Variants in NEBL observed in about 807,000 individuals in gnomAD.
The protein encoded by NEBL is nebulette.
Under a neutral mutation model 140.2 loss-of-function variants are expected in NEBL, and 122 were observed. The observed-to-expected ratio is 0.87, with a 90% confidence interval of 0.75 to 1.01. NEBL has a LOEUF of 1.01. Among genes scored for constraint, NEBL ranks in the 50% least tolerant of loss-of-function variants. The pLI, the probability that NEBL is intolerant of heterozygous loss-of-function variation, is 0.00. For synonymous variants in NEBL, 436 were observed against 398.9 expected, an observed-to-expected ratio of 1.09 and a Z score of -1.11; for missense variants, 1,365 against 1,231.3, an observed-to-expected ratio of 1.11 and a Z score of -1.62.
intron 4 of NEBL, among the ~76,000 whole-genome samples, chr10:20,918,365 A>G (rs1489425100): frequency 6.6e-6 from 1 of 151,176 alleles, no homozygotes; most frequent in African/African-American, 2.4e-5. Context: ...CTCAAAAAAA[A>G]GAATCCAAGC....
In NEBL at chr10:21,273,145, G is replaced by A. The variant is rs549020596; in HGVS notation, n.182+19685C>T. On this transcript the variant is annotated intron_variant and non_coding_transcript_variant, in intron 1 of 8. Transcript: ENST00000675702. ...CAGGGTTGGGAGCTTGTGGGCCCTCGGAGGAGGTTAATAGAAGGGCAGTTT... is the reference window on the plus strand; with the variant it reads ...CAGGGTTGGGAGCTTGTGGGCCCTCAGAGGAGGTTAATAGAAGGGCAGTTT... 4.6e-5 allele frequency among the ~76,000 whole-genome samples: 7 copies of A among 152,200 alleles called. No homozygotes were observed. The South Asian group carries it at 6.2e-4, about 14-fold the overall frequency.
chr10:21,186,325 C>T (rs560660007), intron 3 of NEBL, among the ~76,000 whole-genome samples: 77 of 148,894 alleles, frequency 5.2e-4, no homozygotes, highest in Non-Finnish European at 9.2e-4. Flanking sequence ...TAAATATATG[C>T]GTTGAAGTCC....
At chr10:20,963,003 AACACACACACACAC>A (rs35031266) in intron 3 of NEBL, among the ~76,000 whole-genome samples, 19 of 143,312 alleles carry the variant, frequency 1.3e-4, no homozygotes, top group Middle Eastern at 3.5e-3. Context: ...TTGAAAGAAA[AACACACACACACAC>A]ACACACACAC....
At chr10:21,255,102 G>A (rs1276752626) in intron 1 of NEBL, among the ~76,000 whole-genome samples, 1 of 152,134 alleles carries the variant, frequency 6.6e-6, no homozygotes, top group Non-Finnish European at 1.5e-5. Context: ...AAAGCTGCTT[G>A]AGTCTGAAGA....
At chr10:21,040,031 T>C (rs986162266) in intron 2 of NEBL, among the ~76,000 whole-genome samples, 27 of 152,186 alleles carry the variant, frequency 1.8e-4, no homozygotes, top group African/African-American at 6.0e-4. Flanking sequence ...TGTTAGTCTG[T>C]TTGTGTTGAT....
intron 4 of NEBL, among the ~76,000 whole-genome samples, chr10:20,914,544 T>C (rs907870914): frequency 6.6e-6 from 1 of 152,252 alleles, no homozygotes; most frequent in Non-Finnish European, 1.5e-5. Context: ...TATTGTTCAA[T>C]GCTTTCCTTG....
chr10:21,196,004 GTTTA>G (rs1200792482), intron 3 of NEBL, among the ~76,000 whole-genome samples: 6 of 152,032 alleles, frequency 3.9e-5, no homozygotes, highest in Non-Finnish European at 7.4e-5. Context: ...TTATACATTT[GTTTA>G]TTTATTTATT....
intron 19 of NEBL, among the ~76,000 whole-genome samples, chr10:20,820,425 A>G (rs1223339228): frequency 6.6e-6 from 1 of 152,228 alleles, no homozygotes; most frequent in Non-Finnish European, 1.5e-5. Context: ...ATCTCATTAG[A>G]AGAAACTTCA....
intron 5 of NEBL, among the ~76,000 whole-genome samples, chr10:20,870,063 A>G (rs946412518): frequency 6.6e-6 from 1 of 151,834 alleles, no homozygotes; most frequent in African/African-American, 2.4e-5. Flanking sequence ...ACAGTGGCTC[A>G]CGTCTGTAAT....
intron 17 of NEBL, 53 bp from the exon 18 acceptor site, chr10:20,826,592 T>C: frequency 7.5e-7 from 1 of 1,337,030 alleles, no homozygotes; most frequent in South Asian, 1.2e-5. Context: ...ATTCAAGTCC[T>C]AGATCCGCTT....
At chr10:21,089,075 C>A (rs1258545733) in intron 2 of NEBL, among the ~76,000 whole-genome samples, 1 of 152,110 alleles carries the variant, frequency 6.6e-6, no homozygotes, top group East Asian at 1.9e-4. Flanking sequence ...GGAGGCAGAA[C>A]AGGTGTTAAG....
intron 4 of NEBL, among the ~76,000 whole-genome samples, chr10:20,943,095 AC>A (rs980763895): frequency 2.6e-5 from 4 of 152,220 alleles, no homozygotes; most frequent in African/African-American, 9.7e-5. Context: ...CTGGGTATAT[AC>A]CCAAAGGATT....
chr10:20,952,915 A>AG (rs1835560719), intron 4 of NEBL, among the ~76,000 whole-genome samples: 1 of 150,690 alleles, frequency 6.6e-6, no homozygotes, highest in South Asian at 2.1e-4. Flanking sequence ...AAAAAAAAAA[A>AG]AAAAAAAAAA....
At chr10:20,793,883 C>A (rs1836246653) in intron 26 of NEBL, among the ~76,000 whole-genome samples, 1 of 152,096 alleles carries the variant, frequency 6.6e-6, no homozygotes, top group Admixed American at 6.5e-5. Flanking sequence ...AATGAGCAGC[C>A]ACAATGCGGA....
At chr10:20,897,604 T>A (rs549183528), upstream of NEBL, 1 of 949,048 alleles carries the variant, frequency 1.1e-6, no homozygotes, top group Non-Finnish European at 1.3e-6. Context: ...ACACTCAAGA[T>A]AGCACAGTCC....
intron 3 of NEBL, among the ~76,000 whole-genome samples, chr10:21,182,441 A>T (rs1564538483): frequency 6.6e-6 from 1 of 152,190 alleles, no homozygotes; most frequent in Admixed American, 6.5e-5. Context: ...GTGCCACTGC[A>T]CTCCAGCCTG....
At chr10:20,936,309 T>A (rs1427166667) in intron 4 of NEBL, among the ~76,000 whole-genome samples, 2 of 152,194 alleles carry the variant, frequency 1.3e-5, no homozygotes, top group Non-Finnish European at 2.9e-5. Flanking sequence ...TTACTCTATT[T>A]CCTACGGTAA....
intron 3 of NEBL, among the ~76,000 whole-genome samples, chr10:21,212,040 T>C (rs1031613629): frequency 6.6e-6 from 1 of 151,914 alleles, no homozygotes; most frequent in Non-Finnish European, 1.5e-5. Flanking sequence ...TGTACATATG[T>C]AAATGTTATG....
At chr10:21,026,300 C>T (rs901647102) in intron 2 of NEBL, among the ~76,000 whole-genome samples, 3 of 148,908 alleles carry the variant, frequency 2.0e-5, no homozygotes, top group African/African-American at 7.4e-5. Flanking sequence ...GTCAGGAGGC[C>T]AGAAATGAGG....
Sources: gnomAD v4.1 joint callset for allele counts (sites outside exome capture counted in the v4.1 genomes callset) on GRCh38, gnomAD v4.1.1 for gene constraint, MANE v1.5 for transcripts, NCBI Gene and HGNC (gene_info 2026-07-23, HGNC 2026-07-21) for gene names.